The following NRXN3 variants were observed in gnomAD, a reference collection of about 807,000 sequenced individuals.
NRXN3 encodes the protein neurexin 3.
NRXN3 carries 32 observed loss-of-function variants against 137.6 expected under a neutral mutation model. The observed-to-expected ratio is 0.23, with a 90% confidence interval of 0.18 to 0.31. The LOEUF (loss-of-function observed/expected upper bound fraction) is 0.31, where lower values mean the gene tolerates loss of function less well. Ranked by LOEUF, NRXN3 falls within the 10% of genes least tolerant of loss-of-function variation. The probability of loss-of-function intolerance (pLI) is 1.00; values close to 1 mark genes in which losing one functional copy is unlikely to be tolerated. For missense variants in NRXN3, 1,574 were observed against 2,062.5 expected (o/e 0.76, Z 4.59); for synonymous variants, 798 against 784.5 (o/e 1.02, Z -0.29).
In NRXN3 at chr14:79,343,260, C is replaced by A. The variant is rs188452366; in HGVS notation, c.3263-123961C>A. ...CTACAGAGGCGATCTAGTCTCCAGGCAAGAAGGAGGTCTGCTTTGGGAAAG... is the reference window on the plus strand; with the variant it reads ...CTACAGAGGCGATCTAGTCTCCAGGAAAGAAGGAGGTCTGCTTTGGGAAAG... On this transcript the variant is annotated intron_variant, in intron 15 of 20. Coordinates refer to ENST00000335750, the MANE Select transcript of NRXN3 (RefSeq NM_001330195.2). Among the ~76,000 whole-genome samples, 22 of 152,242 alleles carry A rather than the reference C, an allele frequency of 1.4e-4. No individual in the cohort carries two copies. In the East Asian group the frequency reaches 4.1e-3, roughly 28 times the overall value.
intron 4 of NRXN3, among the ~76,000 whole-genome samples, chr14:78,309,210 G>T (rs1404370276): frequency 1.3e-5 from 2 of 151,976 alleles, no homozygotes; most frequent in Non-Finnish European, 2.9e-5. Context: ...AGGAAGTTTT[G>T]TCATCTTGTA....
chr14:79,011,783 TACACAGCCCA>T (rs2099571804), intron 15 of NRXN3, among the ~76,000 whole-genome samples: 1 of 152,150 alleles, frequency 6.6e-6, no homozygotes. Flanking sequence ...CCGGAATGTA[TACACAGCCCA>T]ACATGTCATT....
chr14:79,278,770 C>T (rs1483617372), intron 15 of NRXN3, among the ~76,000 whole-genome samples: 1 of 152,174 alleles, frequency 6.6e-6, no homozygotes, highest in African/African-American at 2.4e-5. Flanking sequence ...GCCACCGCTC[C>T]ACCTTCACTT....
intron 10 of NRXN3, among the ~76,000 whole-genome samples, chr14:78,943,132 G>A (rs1024288773): frequency 6.6e-6 from 1 of 152,108 alleles, no homozygotes; most frequent in Non-Finnish European, 1.5e-5. Flanking sequence ...TGAGAGGCTG[G>A]AACTTTGGGG....
chr14:79,431,543 G>C (rs2095754812), intron 15 of NRXN3, among the ~76,000 whole-genome samples: 1 of 151,934 alleles, frequency 6.6e-6, no homozygotes, highest in Admixed American at 6.6e-5. Context: ...ACAGATGATG[G>C]ATCAAGATTA....
At chr14:79,855,689 G>C (rs2099401096) in intron 20 of NRXN3, among the ~76,000 whole-genome samples, 1 of 152,064 alleles carries the variant, frequency 6.6e-6, no homozygotes, top group Admixed American at 6.6e-5. Context: ...AAAAGGGTTA[G>C]AAGAAAGTGA....
chr14:78,497,582 TCATCCATCCATCCATCCATC>T (rs3036594), intron 4 of NRXN3, among the ~76,000 whole-genome samples: 4 of 150,912 alleles, frequency 2.7e-5, no homozygotes, highest in African/African-American at 9.7e-5. Context: ...GTCTGTCCAT[TCATCCATCCATCCATCCATC>T]CATCCATCCA....
chr14:78,633,260 A>AAAAAAAAAAAAAAAAAAG (rs777062744), intron 4 of NRXN3, among the ~76,000 whole-genome samples: 1 of 148,262 alleles, frequency 6.7e-6, no homozygotes, highest in Non-Finnish European at 1.5e-5. Flanking sequence ...TCAAAAAAAA[A>AAAAAAAAAAAAAAAAAAG]AAAAAAAAGA....
intron 4 of NRXN3, among the ~76,000 whole-genome samples, chr14:78,460,945 T>C (rs1328943856): frequency 6.6e-6 from 1 of 152,242 alleles, no homozygotes; most frequent in Non-Finnish European, 1.5e-5. Flanking sequence ...TTGTACCTTG[T>C]TTGTAACTGA....
chr14:79,072,886 C>CTT lies in NRXN3; in HGVS notation c.3262+84758_3262+84759dup, dbSNP rs11424011. Among the ~76,000 whole-genome samples, 429 of 139,176 alleles carry CTT rather than the reference C, an allele frequency of 3.1e-3. 5 individuals are homozygous for CTT. The highest frequency in any genetic ancestry group is 5.0e-3 in the Admixed American group (69 of 13,732). The allele number at this position is 139,176 out of a possible 152,430, so 91.3% of individuals were successfully genotyped here. On this transcript the variant is annotated intron_variant, in intron 15 of 20. Coordinates refer to ENST00000335750, the MANE Select transcript of NRXN3 (RefSeq NM_001330195.2). ...GTATGTGTTTTCTCTCTCTCTCTCTCTTTTTTTTTTTTTTGAGACGGATAG... is the reference window on the plus strand; with the variant it reads ...GTATGTGTTTTCTCTCTCTCTCTCTCTTTTTTTTTTTTTTTTGAGACGGATAG...
chr14:79,730,064 G>GAATC (rs1353337296), intron 19 of NRXN3, among the ~76,000 whole-genome samples: 1 of 152,150 alleles, frequency 6.6e-6, no homozygotes, highest in Non-Finnish European at 1.5e-5. Context: ...GGAAAGCTTA[G>GAATC]AATCAAGGGA....
At chr14:78,566,310 C>T (rs1032734868) in intron 4 of NRXN3, among the ~76,000 whole-genome samples, 1 of 152,064 alleles carries the variant, frequency 6.6e-6, no homozygotes, top group African/African-American at 2.4e-5. Flanking sequence ...AAATGTCGCT[C>T]CTGCTGAAAG....
intron 4 of NRXN3, among the ~76,000 whole-genome samples, chr14:78,325,570 T>A (rs1048447685): frequency 6.6e-6 from 1 of 152,176 alleles, no homozygotes; most frequent in Non-Finnish European, 1.5e-5. Context: ...ATCATTATCA[T>A]CATTGCCCTG....
At chr14:79,279,725 C>T in intron 15 of NRXN3, 1 of 987,150 alleles carries the variant, frequency 1.0e-6, no homozygotes, top group Non-Finnish European at 1.2e-6. Context: ...CGGAGACTCC[C>T]AGGAACACCC....
At chr14:78,969,932 C>G (rs2099430824) in intron 14 of NRXN3, among the ~76,000 whole-genome samples, 1 of 151,658 alleles carries the variant, frequency 6.6e-6, no homozygotes, top group Admixed American at 6.6e-5. Flanking sequence ...CAATTTCATT[C>G]AATCAGGGAT....
chr14:78,660,802 G>A (rs2097833516), intron 6 of NRXN3, among the ~76,000 whole-genome samples: 1 of 152,190 alleles, frequency 6.6e-6, no homozygotes, highest in South Asian at 2.1e-4. Flanking sequence ...TCTATCATTT[G>A]CAGCAGGAAG....
chr14:78,837,478 C>A (rs914924608), intron 10 of NRXN3, among the ~76,000 whole-genome samples: 13 of 149,864 alleles, frequency 8.7e-5, no homozygotes, highest in Non-Finnish European at 1.5e-5. Context: ...TCCTTTGCCT[C>A]TTTATTTTTG....
chr14:78,246,865 C>G (rs772030986), intron 2 of NRXN3, among the ~76,000 whole-genome samples: 1 of 152,164 alleles, frequency 6.6e-6, no homozygotes, highest in Non-Finnish European at 1.5e-5. Context: ...TCTCCCCACC[C>G]AACCTCTGCT....
At chr14:79,334,877 AT>A (rs539500864) in intron 15 of NRXN3, among the ~76,000 whole-genome samples, 49 of 152,232 alleles carry the variant, frequency 3.2e-4, no homozygotes, top group African/African-American at 1.1e-3. Context: ...AACATTCTTA[AT>A]TTTTTATAAG....
Sources: allele counts gnomAD v4.1 joint callset (sites outside exome capture counted in the v4.1 genomes callset), GRCh38; gene constraint gnomAD v4.1.1; transcripts MANE v1.5; gene names NCBI Gene and HGNC (gene_info 2026-07-23, HGNC 2026-07-21).